The following KIF5C variants were observed in gnomAD, a reference collection of about 807,000 sequenced individuals.
The protein encoded by KIF5C is kinesin heavy chain isoform 5C.
In KIF5C, 18 loss-of-function variants were observed where a neutral mutation model predicts 125.2. The observed-to-expected ratio is 0.14, with a 90% confidence interval of 0.10 to 0.21. KIF5C has a LOEUF of 0.21. Among genes scored for constraint, KIF5C ranks in the 10% least tolerant of loss-of-function variants. The pLI is 1.00. For missense variants in KIF5C, 780 were observed against 1,183.8 expected, an observed-to-expected ratio of 0.66 and a Z score of 5.01; for synonymous variants, 405 against 434.0, an observed-to-expected ratio of 0.93 and a Z score of 0.83.
intron 22 of KIF5C, among the ~76,000 whole-genome samples, chr2:149,006,776 C>A (rs1372865529): frequency 1.3e-5 from 2 of 152,202 alleles, no homozygotes; most frequent in African/African-American, 4.8e-5. Flanking sequence ...GGGCCTGGCC[C>A]TGGCAGGAGA....
chr2:148,936,437 A>G (rs982220094), intron 3 of KIF5C, among the ~76,000 whole-genome samples: 4 of 152,228 alleles, frequency 2.6e-5, no homozygotes, highest in African/African-American at 7.2e-5. Flanking sequence ...GGCTTAGGCA[A>G]AGGCTCTCTG....
chr2:148,890,513 A>T (rs1681678377), intron 1 of KIF5C, among the ~76,000 whole-genome samples: 1 of 152,198 alleles, frequency 6.6e-6, no homozygotes, highest in Admixed American at 6.5e-5. Flanking sequence ...AACAAAAAAA[A>T]GAGCAGTGAT....
chr2:148,976,532 T>C (rs1313091263), intron 12 of KIF5C, among the ~76,000 whole-genome samples: 2 of 151,400 alleles, frequency 1.3e-5, no homozygotes, highest in African/African-American at 4.9e-5. Flanking sequence ...CCTCCCAAAG[T>C]GCTGGGATTT....
chr2:148,978,368 T>C (rs1186720567), intron 12 of KIF5C, among the ~76,000 whole-genome samples: 1 of 143,494 alleles, frequency 7.0e-6, no homozygotes, highest in Non-Finnish European at 1.5e-5. Flanking sequence ...TTTTTAACTG[T>C]TAAGAAAATT....
chr2:149,003,749 AAAAC>A (rs1279810640), intron 21 of KIF5C, among the ~76,000 whole-genome samples: 1 of 152,252 alleles, frequency 6.6e-6, no homozygotes, highest in Non-Finnish European at 1.5e-5. Flanking sequence ...AATCTCCCTA[AAAAC>A]AAACAAAATG....
chr2:148,944,273 G>A (rs1682475129), intron 7 of KIF5C, among the ~76,000 whole-genome samples: 1 of 152,084 alleles, frequency 6.6e-6, no homozygotes, highest in Admixed American at 6.5e-5. Flanking sequence ...TCCATCTCTA[G>A]AACTTTATCT....
At chr2:148,976,228 G>C (rs1681063133) in intron 12 of KIF5C, among the ~76,000 whole-genome samples, 1 of 148,018 alleles carries the variant, frequency 6.8e-6, no homozygotes, top group Non-Finnish European at 1.5e-5. Context: ...ATTTATAAGG[G>C]TGTGCATATT....
At chr2:148,875,837 C>T in intron 1 of KIF5C, 94 bp downstream of exon 1, 2 of 1,483,918 alleles carry the variant, frequency 1.3e-6, no homozygotes, top group Non-Finnish European at 1.8e-6. Context: ...AGGCCGCCCC[C>T]TCGGACATTC....
At chr2:148,908,884 A>G (rs1305635314) in intron 1 of KIF5C, among the ~76,000 whole-genome samples, 1 of 152,238 alleles carries the variant, frequency 6.6e-6, no homozygotes, top group Non-Finnish European at 1.5e-5. Flanking sequence ...TTACAGAATA[A>G]TAAGATGGAA....
chr2:148,970,481 G>A (rs906230481), intron 11 of KIF5C, among the ~76,000 whole-genome samples: 9 of 152,222 alleles, frequency 5.9e-5, no homozygotes, highest in Admixed American at 1.3e-4. Flanking sequence ...AGGAAACCAA[G>A]AGGGTAAGCA....
At chr2:148,959,228 G>A (rs1682869354) in intron 10 of KIF5C, among the ~76,000 whole-genome samples, 1 of 152,060 alleles carries the variant, frequency 6.6e-6, no homozygotes, top group African/African-American at 2.4e-5. Context: ...TCATCTGAGT[G>A]CCTGTTTCTG....
chr2:148,975,815 G>A (rs1371312857), intron 12 of KIF5C, among the ~76,000 whole-genome samples: 1 of 152,320 alleles, frequency 6.6e-6, no homozygotes, highest in African/African-American at 2.4e-5. Flanking sequence ...CCTGCTGAAG[G>A]TGCTTTTTCT....
intron 22 of KIF5C, among the ~76,000 whole-genome samples, chr2:149,005,817 G>A (rs10198118): frequency 3.0e-4 from 46 of 152,316 alleles, no homozygotes; most frequent in Admixed American, 5.9e-4. Context: ...TGGAGAAGTC[G>A]GACAGAGAGA....
rs770338912 is a variant in KIF5C, at chr2:149,005,454, G to A, written c.2435G>A (p.Arg812Gln). 1.4e-5 allele frequency: 23 copies of A among 1,613,548 alleles called. No homozygotes were observed. Among genetic ancestry groups the A allele is most frequent in the African/African-American group, 2.7e-5 (2 of 74,912 alleles). Residue 812 changes from arginine to glutamine, a missense_variant, in exon 22 of 26, where the codon CGA becomes CAA. Around this residue, in one of 2 missense-constraint regions of KIF5C, gnomAD observed 573 missense variants for 742.6 expected, o/e 0.77. Coordinates refer to ENST00000435030, the MANE Select transcript of KIF5C (RefSeq NM_004522.3). The stretch of plus-strand genomic sequence containing the variant: ...CTCTTTGTCCAGGATCTGACCACCC[G>A]AGTTAAAAAAGTGAGTTCTCTTTGT... Reference protein sequence around the residue: ...RKLFVQDLTTRVKKSVELDND... With the variant: ...RKLFVQDLTTQVKKSVELDND...
At position 149,023,262 on chromosome 2, in the gene KIF5C, T is replaced by C. The variant is rs746034342; in HGVS notation, c.*192T>C. On this transcript the variant is annotated 3_prime_UTR_variant, in exon 26 of 26. Coordinates refer to ENST00000435030, the MANE Select transcript of KIF5C (RefSeq NM_004522.3). ...GATGTGTGCTCGGACTTTTCTCTTT[T>C]TGAGAAATCTGAAGGAGATGGTTGC... 1 of 152,172 alleles carries C rather than the reference T, an allele frequency of 6.6e-6. No individual in the cohort carries two copies. The highest frequency in any genetic ancestry group is 1.5e-5 in the Non-Finnish European group (1 of 68,040). The allele number at this position is 152,172 out of a possible 1,614,324, so 9.4% of individuals were successfully genotyped here. A position where few individuals can be genotyped will look rare whatever the true frequency, so the allele number is the denominator to read the frequency against.
At chr2:149,019,643 A>G (rs976230333) in intron 25 of KIF5C, among the ~76,000 whole-genome samples, 2 of 152,222 alleles carry the variant, frequency 1.3e-5, no homozygotes, top group Non-Finnish European at 2.9e-5. Flanking sequence ...CAAAGCTCCA[A>G]TGAGATAAAT....
chr2:148,966,337 A>AGTGT (rs747467791), intron 11 of KIF5C, among the ~76,000 whole-genome samples: 3,067 of 150,134 alleles, frequency 0.02, 93 homozygotes, highest in African/African-American at 0.064. Flanking sequence ...TGTGTAGCAA[A>AGTGT]GTGTGTGTGT....
intron 1 of KIF5C, among the ~76,000 whole-genome samples, chr2:148,902,284 CAG>C (rs1680936406): frequency 6.6e-6 from 1 of 152,070 alleles, no homozygotes; most frequent in African/African-American, 2.4e-5. Context: ...AATGGCTCAA[CAG>C]GGGGAAAGGC....
chr2:148,959,870 G>T (rs1273962959), intron 10 of KIF5C, among the ~76,000 whole-genome samples: 2 of 152,134 alleles, frequency 1.3e-5, no homozygotes, highest in Non-Finnish European at 2.9e-5. Context: ...TTTTGGGTTG[G>T]CTGTGTCCCT....
Sources: gnomAD v4.1 joint callset for allele counts (sites outside exome capture counted in the v4.1 genomes callset) on GRCh38, gnomAD v4.1.1 for gene constraint, gnomAD v4.1.1 regional missense constraint, MANE v1.5 for transcripts, NCBI Gene and HGNC (gene_info 2026-07-23, HGNC 2026-07-21) for gene names.